Variants in FRMPD4 observed in about 807,000 individuals in gnomAD.
The protein encoded by FRMPD4 is FERM and PDZ domain containing 4.
A neutral mutation model predicts 94.1 loss-of-function variants in FRMPD4; 22 were observed. The ratio of observed to expected loss-of-function variants is 0.23; its 90% CI spans 0.17 to 0.33. The LOEUF (loss-of-function observed/expected upper bound fraction) is 0.33. Ranked by LOEUF, FRMPD4 falls within the 10% of genes least tolerant of loss-of-function variation. The pLI, the probability that FRMPD4 is intolerant of heterozygous loss-of-function variation, is 1.00. For synonymous variants in FRMPD4, 631 were observed against 548.6 expected (o/e 1.15, Z -2.10); for missense variants, 1,111 against 1,339.9 (o/e 0.83, Z 2.67).
At position 12,522,070 on chromosome X, in the gene FRMPD4, A is replaced by G. The variant is rs370674056; in HGVS notation, c.158+23274A>G. 1.2e-4 allele frequency among the ~76,000 whole-genome samples: 13 copies of G among 109,418 alleles called. No individual in the cohort carries two copies. In the East Asian group the frequency reaches 1.4e-3, roughly 12 times the overall value. ...GGATTTTAGTTCAAATACCTTTAGC[A>G]CATATAATGACTTTGTTCTTTATGA... On this transcript the variant is annotated intron_variant, in intron 2 of 16. Coordinates refer to ENST00000675598, the MANE Select transcript of FRMPD4 (RefSeq NM_001368397.1).
intron 2 of FRMPD4, among the ~76,000 whole-genome samples, chrX:12,573,057 C>T (rs1380698829): frequency 2.7e-5 from 3 of 112,169 alleles, no homozygotes; most frequent in South Asian, 3.7e-4. Flanking sequence ...TTCATCATAG[C>T]GACTCTTATG....
At chrX:12,456,801 T>G (rs2057338672) in intron 1 of FRMPD4, among the ~76,000 whole-genome samples, 1 of 112,903 alleles carries the variant, frequency 8.9e-6, no homozygotes, top group Non-Finnish European at 1.9e-5. Flanking sequence ...TATGTTTAAT[T>G]TATGCTTCAG....
chrX:12,205,545 A>G (rs779067431), intron 1 of FRMPD4, among the ~76,000 whole-genome samples: 97 of 111,979 alleles, frequency 8.7e-4, no homozygotes, highest in Admixed American at 2.1e-3. Flanking sequence ...GTATGAAGTA[A>G]GAAAAATAGT....
At chrX:11,914,356 T>G (rs1309688394) in intron 3 of FRMPD4, among the ~76,000 whole-genome samples, 2 of 106,963 alleles carry the variant, frequency 1.9e-5, no homozygotes, top group African/African-American at 6.9e-5. Context: ...CCACCTCATC[T>G]GGGGCTGAAA....
intron 1 of FRMPD4, among the ~76,000 whole-genome samples, chrX:12,285,646 C>A (rs938588002): frequency 1.8e-5 from 2 of 111,324 alleles, no homozygotes; most frequent in African/African-American, 6.5e-5. Flanking sequence ...TGTTGCTGAC[C>A]CAAATCTTTT....
At chrX:12,187,877 G>T (rs1452090075) in intron 1 of FRMPD4, among the ~76,000 whole-genome samples, 1 of 111,579 alleles carries the variant, frequency 9.0e-6, no homozygotes, top group Non-Finnish European at 1.9e-5. Flanking sequence ...CACTGTTCTA[G>T]ATCATAAGGA....
intron 3 of FRMPD4, among the ~76,000 whole-genome samples, chrX:11,884,227 T>C (rs917448569): frequency 8.9e-6 from 1 of 112,338 alleles, no homozygotes; most frequent in African/African-American, 3.2e-5. Flanking sequence ...GAATAAATGG[T>C]CTACATCTCA....
intron 1 of FRMPD4, among the ~76,000 whole-genome samples, chrX:12,157,678 A>G (rs1179260591): frequency 8.9e-6 from 1 of 111,903 alleles, no homozygotes; most frequent in African/African-American, 3.3e-5. Context: ...TGGTGGGTTT[A>G]CTTGTACATG....
intron 1 of FRMPD4, among the ~76,000 whole-genome samples, chrX:12,380,415 G>A (rs1294929452): frequency 2.7e-5 from 3 of 112,367 alleles, no homozygotes; most frequent in Non-Finnish European, 5.6e-5. Flanking sequence ...ATTTGAAATT[G>A]AAGTGTTATT....
At position 12,354,260 on chromosome X, in the gene FRMPD4, A is replaced by T. The variant is rs186293466; in HGVS notation, c.42-144420A>T. On this transcript the variant is annotated intron_variant, in intron 1 of 16. Transcript: ENST00000675598. Reference sequence around the variant, plus strand: ...CATGACATGTTAAAAAAGACAGTCTATTCCCATGTGAATATCAGTCATTTT... The same window carrying T: ...CATGACATGTTAAAAAAGACAGTCTTTTCCCATGTGAATATCAGTCATTTT... Among the ~76,000 whole-genome samples the T allele has an allele frequency of 1.6e-3, 183 of 112,157 alleles. 1 individual carries two copies. Among genetic ancestry groups the T allele is most frequent in the Non-Finnish European group, 2.6e-3 (141 of 53,256 alleles).
chrX:12,280,468 C>A (rs2054507206), intron 1 of FRMPD4, among the ~76,000 whole-genome samples: 1 of 109,668 alleles, frequency 9.1e-6, no homozygotes, highest in Non-Finnish European at 1.9e-5. Context: ...AACCCATCTG[C>A]CATTCCTGGG....
chrX:12,468,701 A>C (rs933183274), intron 1 of FRMPD4, among the ~76,000 whole-genome samples: 1 of 112,057 alleles, frequency 8.9e-6, no homozygotes, highest in Admixed American at 9.5e-5. Flanking sequence ...TATTCTAGCT[A>C]CATCACCCCC....
intron 3 of FRMPD4, among the ~76,000 whole-genome samples, chrX:12,053,198 G>A (rs1299090698): frequency 1.8e-5 from 2 of 108,500 alleles, no homozygotes; most frequent in African/African-American, 6.7e-5. Flanking sequence ...AATTAGGTGG[G>A]TGTGGTGGTA....
chrX:12,716,033 A>G, intron 14 of FRMPD4, 36 bp from the exon 15 acceptor site: 1 of 649,516 alleles, frequency 1.5e-6, no homozygotes, highest in Non-Finnish European at 2.3e-6. Flanking sequence ...ACCAGACAGT[A>G]CAGTAATGTG....
chrX:12,355,193 T>TA (rs201418098), intron 1 of FRMPD4, among the ~76,000 whole-genome samples: 1,568 of 109,580 alleles, frequency 0.014, 23 homozygotes, highest in African/African-American at 0.049. Context: ...TTTTTTTTTT[T>TA]TATATAAGAT....
chrX:12,716,042 T>C, intron 14 of FRMPD4, 27 bp from the exon 15 acceptor site: 1 of 469,209 alleles, frequency 2.1e-6, no homozygotes, highest in Non-Finnish European at 3.2e-6. Flanking sequence ...TACAGTAATG[T>C]GTCTTTGCGT....
intron 1 of FRMPD4, among the ~76,000 whole-genome samples, chrX:12,252,696 T>C (rs983367177): frequency 2.2e-4 from 24 of 111,360 alleles, no homozygotes; most frequent in Non-Finnish European, 4.2e-4. Flanking sequence ...TCCAAATAAA[T>C]TAAGATCAGA....
Position 12,525,350 on chromosome X carries a change from A to C in FRMPD4, c.158+26554A>C, listed in dbSNP as rs776789426. On this transcript the variant is annotated intron_variant, in intron 2 of 16. Coordinates refer to ENST00000675598, the MANE Select transcript of FRMPD4 (RefSeq NM_001368397.1). ...CTGACAAAGCAGACTCTTTGTGGCAATAAGATACCAAATTATAAACATGGC... is the reference window on the plus strand; with the variant it reads ...CTGACAAAGCAGACTCTTTGTGGCACTAAGATACCAAATTATAAACATGGC... 3.6e-5 allele frequency among the ~76,000 whole-genome samples: 4 copies of C among 111,733 alleles called. No homozygotes were observed. The South Asian group carries it at 1.5e-3, about 43-fold the overall frequency.
intron 1 of FRMPD4, among the ~76,000 whole-genome samples, chrX:12,479,351 T>TAG (rs1307854718): frequency 1.4e-4 from 1 of 6,925 alleles, no homozygotes; most frequent in African/African-American, 3.5e-4. Flanking sequence ...TCTGTATATA[T>TAG]ATATACACAC....
Sources: allele counts gnomAD v4.1 joint callset (sites outside exome capture counted in the v4.1 genomes callset), GRCh38; gene constraint gnomAD v4.1.1; transcripts MANE v1.5; gene names NCBI Gene and HGNC (gene_info 2026-07-23, HGNC 2026-07-21).